NECTIN3: variants seen among roughly 807,000 people sequenced by gnomAD.
NECTIN3 encodes the protein nectin cell adhesion molecule 3.
In NECTIN3, 8 loss-of-function variants were observed where a neutral mutation model predicts 49.4. That is an observed-to-expected ratio of 0.16 (90% confidence interval 0.10 to 0.29). NECTIN3 has a LOEUF of 0.29. Ranked by LOEUF, NECTIN3 falls within the 10% of genes least tolerant of loss-of-function variation. The pLI, the probability that NECTIN3 is intolerant of heterozygous loss-of-function variation, is 1.00. For missense variants in NECTIN3, 581 were observed against 654.6 expected (o/e 0.89, Z 1.23); for synonymous variants, 277 against 241.1 (o/e 1.15, Z -1.38).
chr3:111,093,870 C>T (rs867260065), intron 1 of NECTIN3, among the ~76,000 whole-genome samples: 52 of 152,154 alleles, frequency 3.4e-4, no homozygotes, highest in African/African-American at 1.1e-3. Context: ...GTAAAAACAA[C>T]GTAAACAATT....
At chr3:111,077,029 T>G (rs921088229) in intron 1 of NECTIN3, among the ~76,000 whole-genome samples, 4 of 151,922 alleles carry the variant, frequency 2.6e-5, no homozygotes, top group African/African-American at 9.7e-5. Flanking sequence ...AAGGTTTTTT[T>G]CTAAAAGAGT....
At chr3:111,182,358 G>T (rs1270763842) in intron 7 of NECTIN3, among the ~76,000 whole-genome samples, 1 of 152,036 alleles carries the variant, frequency 6.6e-6, no homozygotes, top group Non-Finnish European at 1.5e-5. Context: ...GGTTGATAGT[G>T]TTGTTCAAGT....
rs548152633 is a variant in NECTIN3 at position 111,103,468 on chromosome 3, A to T, written c.161-8562A>T. ...AAGTGATTGACTTTTTTTTTTTTTT[A>T]AATTAACTTTGTATTCTGTAACCTT... On this transcript the variant is annotated intron_variant, in intron 1 of 5. Coordinates refer to ENST00000485303, the MANE Select transcript of NECTIN3 (RefSeq NM_015480.3). Among the ~76,000 whole-genome samples, 241 of 149,250 alleles carry T rather than the reference A, an allele frequency of 1.6e-3. 1 individual carries two copies. The highest frequency in any genetic ancestry group is 5.3e-3 in the African/African-American group (214 of 40,694).
chr3:111,168,379 T>C (rs1001585398), intron 7 of NECTIN3, among the ~76,000 whole-genome samples: 1 of 152,166 alleles, frequency 6.6e-6, no homozygotes, highest in South Asian at 2.1e-4. Flanking sequence ...AAGAATAAGC[T>C]AGATATGTTC....
chr3:111,130,284 G>A (rs951669001), intron 5 of NECTIN3, among the ~76,000 whole-genome samples: 3 of 149,632 alleles, frequency 2.0e-5, no homozygotes, highest in Non-Finnish European at 4.4e-5. Context: ...TTGGTAATCA[G>A]TAGTTAGACT....
chr3:111,168,164 T>TC (rs2035357127), intron 7 of NECTIN3, among the ~76,000 whole-genome samples: 1 of 152,056 alleles, frequency 6.6e-6, no homozygotes, highest in Admixed American at 6.6e-5. Context: ...AACAGCCAGA[T>TC]AAGGGGAAAA....
chr3:111,137,430 T>G lies in NECTIN3; in HGVS notation c.*3215T>G, dbSNP rs1156660796. 5 of 952,046 alleles carry G rather than the reference T, an allele frequency of 5.3e-6. No individual in the cohort carries two copies. In the East Asian group the frequency reaches 4.7e-4, roughly 90 times the overall value. The allele number at this position is 952,046 out of a possible 1,614,324, so 59.0% of individuals were successfully genotyped here. The stretch of plus-strand genomic sequence containing the variant: ...CCCGCGCTAAGTTTTGGTTTTGTTG[T>G]GTTTGGTGTTTTTTGTTTTGTTTTG... On this transcript the variant is annotated 3_prime_UTR_variant, in exon 6 of 6. Transcript: ENST00000485303.
At chr3:111,081,456 G>A (rs1051632053) in intron 1 of NECTIN3, among the ~76,000 whole-genome samples, 22 of 152,170 alleles carry the variant, frequency 1.4e-4, no homozygotes, top group African/African-American at 4.1e-4. Context: ...GTGTGTGTGT[G>A]TATTAACCCA....
At position 111,118,753 on chromosome 3, in the gene NECTIN3, C is replaced by G. The variant is rs752890288; in HGVS notation, c.600C>G (p.Pro200=). Residue 200 remains proline, a synonymous_variant, in exon 3 of 6, where the codon CCC becomes CCG. Coordinates refer to ENST00000485303, the MANE Select transcript of NECTIN3 (RefSeq NM_015480.3). ...AAICIAATGK[P]VAHIDWEGDL... is the part of the protein sequence containing the mutation. ...TTTGCATCGCAGCCACTGGAAAACC[C>G]GTTGCACATATTGACTGGGAAGGTG... The G allele has an allele frequency of 2.2e-5, 35 of 1,614,060 alleles. No homozygotes were observed. In the East Asian group the frequency reaches 7.8e-4, roughly 36 times the overall value.
chr3:111,110,183 T>G (rs990581787), intron 1 of NECTIN3, among the ~76,000 whole-genome samples: 11 of 151,988 alleles, frequency 7.2e-5, no homozygotes, highest in Non-Finnish European at 1.3e-4. Context: ...ATTTATCCTT[T>G]CCTTTTTCAT....
At chr3:111,189,846 C>T (rs916295549), upstream of NECTIN3, among the ~76,000 whole-genome samples, 9 of 152,160 alleles carry the variant, frequency 5.9e-5, no homozygotes, top group Non-Finnish European at 1.5e-5. Flanking sequence ...CTCCAGGCAC[C>T]TGCCATATGC....
chr3:111,072,736 C>T, intron 1 of NECTIN3: 1 of 701,224 alleles, frequency 1.4e-6, no homozygotes. Flanking sequence ...TCTGCCCTGA[C>T]AGCTTCTGGA....
At chr3:111,138,932 T>C (rs2034671167), downstream of NECTIN3, among the ~76,000 whole-genome samples, 1 of 151,524 alleles carries the variant, frequency 6.6e-6, no homozygotes, top group East Asian at 1.9e-4. Context: ...AAGCCAAAGG[T>C]AGGATCTAGG....
chr3:111,086,810 TG>T (rs1379978227), intron 1 of NECTIN3, among the ~76,000 whole-genome samples: 1 of 152,140 alleles, frequency 6.6e-6, no homozygotes, highest in African/African-American at 2.4e-5. Context: ...TGGATTAATG[TG>T]GGGCTAGATT....
At chr3:111,164,160 A>G (rs1210368748) in intron 7 of NECTIN3, among the ~76,000 whole-genome samples, 2 of 152,146 alleles carry the variant, frequency 1.3e-5, no homozygotes, top group African/African-American at 4.8e-5. Context: ...GCAAAATGCC[A>G]TAGTTTTAAG....
chr3:111,136,296 A>C lies in NECTIN3; in HGVS notation c.*2081A>C. On this transcript the variant is annotated 3_prime_UTR_variant, in exon 6 of 6. Transcript: ENST00000485303. ...GTATTTTAAGAAATATATTTCAAAA[A>C]TATAAATACTGATTATGAACTTCCT... 1 of 976,220 alleles carries C rather than the reference A, an allele frequency of 1.0e-6. No individual in the cohort carries two copies. Among genetic ancestry groups the C allele is most frequent in the Non-Finnish European group, 1.2e-6 (1 of 821,688 alleles). The allele number at this position is 976,220 out of a possible 1,614,324, so 60.5% of individuals were successfully genotyped here.
chr3:111,161,321 A>G (rs912491608), intron 7 of NECTIN3, among the ~76,000 whole-genome samples: 2 of 152,160 alleles, frequency 1.3e-5, no homozygotes, highest in Non-Finnish European at 2.9e-5. Context: ...AGTACCATTT[A>G]TTTAATTTAG....
chr3:111,127,411 C>G (rs574019172), intron 5 of NECTIN3, among the ~76,000 whole-genome samples: 1 of 149,728 alleles, frequency 6.7e-6, no homozygotes, highest in South Asian at 2.1e-4. Context: ...TTATTCACGA[C>G]TGTATACTCA....
chr3:111,124,593 G>C (rs186677333), intron 4 of NECTIN3, among the ~76,000 whole-genome samples: 1 of 152,100 alleles, frequency 6.6e-6, no homozygotes, highest in Non-Finnish European at 1.5e-5. Context: ...AAGGTTAGGT[G>C]CTTTTGTTTT....
Sources: gnomAD v4.1 joint callset for allele counts (sites outside exome capture counted in the v4.1 genomes callset) on GRCh38, gnomAD v4.1.1 for gene constraint, MANE v1.5 for transcripts, NCBI Gene and HGNC (gene_info 2026-07-23, HGNC 2026-07-21) for gene names.